WWOX: variants seen among roughly 807,000 people sequenced by gnomAD.
WWOX encodes the protein WW domain-containing oxidoreductase.
Under a neutral mutation model 46.2 loss-of-function variants are expected in WWOX, and 69 were observed. The observed-to-expected ratio is 1.49, with a 90% CI of 1.23 to 1.82. The LOEUF (loss-of-function observed/expected upper bound fraction) is 1.82, where lower values mean the gene tolerates loss of function less well. WWOX is among the 40% of genes most tolerant of loss of function. WWOX has a pLI of 0.00. For missense variants in WWOX, 919 were observed against 542.6 expected, an observed-to-expected ratio of 1.69 and a Z score of -6.89; for synonymous variants, 359 against 202.6, an observed-to-expected ratio of 1.77 and a Z score of -6.56.
chr16:78,721,513 G>A (rs192199488), intron 8 of WWOX, among the ~76,000 whole-genome samples: 59 of 152,284 alleles, frequency 3.9e-4, no homozygotes, highest in Non-Finnish European at 7.1e-4. Flanking sequence ...GCGGGGTTGT[G>A]GGCTGGGGGA....
At chr16:78,375,935 C>G (rs905962849) in intron 5 of WWOX, among the ~76,000 whole-genome samples, 3 of 151,444 alleles carry the variant, frequency 2.0e-5, no homozygotes, top group Non-Finnish European at 4.4e-5. Context: ...CACTGCAACT[C>G]CGCATCCTGG....
rs757195574 is a variant in WWOX at position 78,263,996 on chromosome 16, C to CTTT, written c.516+99724_516+99726dup. On this transcript the variant is annotated intron_variant, in intron 5 of 8. Coordinates refer to ENST00000566780, the MANE Select transcript of WWOX (RefSeq NM_016373.4). ...AGAAATATGTGTTTGGCTGTGAAAT[C>CTTT]TTTTTTTTTTTTTTTTTTTGTTTTT... Among the ~76,000 whole-genome samples the CTTT allele has an allele frequency of 6.8e-3, 538 of 78,768 alleles. 91 individuals are homozygous for CTTT. The highest frequency in any genetic ancestry group is 0.021 in the African/African-American group (348 of 16,468). The allele number at this position is 78,768 out of a possible 152,430, so 51.7% of individuals were successfully genotyped here.
intron 8 of WWOX, among the ~76,000 whole-genome samples, chr16:78,690,854 C>G (rs2047970191): frequency 6.6e-6 from 1 of 152,178 alleles, no homozygotes; most frequent in African/African-American, 2.4e-5. Flanking sequence ...CCCAGGATGG[C>G]TTGATGTTGT....
chr16:78,589,790 T>G (rs1328117312), intron 8 of WWOX, among the ~76,000 whole-genome samples: 2 of 152,170 alleles, frequency 1.3e-5, no homozygotes, highest in Admixed American at 1.3e-4. Context: ...CTCTGCTGGC[T>G]TTTTCCCCCT....
intron 8 of WWOX, among the ~76,000 whole-genome samples, chr16:78,674,944 T>A (rs892613587): frequency 6.6e-6 from 1 of 152,146 alleles, no homozygotes; most frequent in Non-Finnish European, 1.5e-5. Context: ...GTTCAAGTTG[T>A]CTACCCTTAT....
At chr16:78,811,899 G>A (rs1008997152) in intron 8 of WWOX, among the ~76,000 whole-genome samples, 11 of 152,112 alleles carry the variant, frequency 7.2e-5, no homozygotes, top group African/African-American at 1.7e-4. Flanking sequence ...TGAGTCATGA[G>A]CATAATAAGA....
chr16:78,165,365 G>A (rs894359511), intron 5 of WWOX, among the ~76,000 whole-genome samples: 1 of 152,182 alleles, frequency 6.6e-6, no homozygotes, highest in Non-Finnish European at 1.5e-5. Flanking sequence ...TCAGCCTATT[G>A]TGGAAGACAA....
At chr16:79,040,089 A>T (rs756636541) in intron 8 of WWOX, among the ~76,000 whole-genome samples, 10 of 152,086 alleles carry the variant, frequency 6.6e-5, no homozygotes, top group Non-Finnish European at 8.8e-5. Context: ...TATAATAATC[A>T]TTCCTACCCC....
Position 79,186,534 on chromosome 16 carries a change from C to T in WWOX, c.1057-25074C>T, listed in dbSNP as rs572877929. 1.3e-4 allele frequency among the ~76,000 whole-genome samples: 20 copies of T among 152,340 alleles called. No individual in the cohort carries two copies. In the East Asian group the frequency reaches 2.9e-3, roughly 22 times the overall value. ...ATTGGATTAAGGGCCTACCCTATTCCAGTCTGACTGCATCTTAACTGTTTA... is the reference window on the plus strand; with the variant it reads ...ATTGGATTAAGGGCCTACCCTATTCTAGTCTGACTGCATCTTAACTGTTTA... On this transcript the variant is annotated intron_variant, in intron 8 of 8. Transcript: ENST00000566780.
intron 8 of WWOX, among the ~76,000 whole-genome samples, chr16:78,647,515 G>T (rs1271646751): frequency 6.6e-6 from 1 of 152,174 alleles, no homozygotes; most frequent in Non-Finnish European, 1.5e-5. Context: ...AGAAGGGAAT[G>T]GATGTCTGAG....
chr16:79,133,747 T>C (rs2049928214), intron 8 of WWOX, among the ~76,000 whole-genome samples: 1 of 152,168 alleles, frequency 6.6e-6, no homozygotes, highest in African/African-American at 2.4e-5. Context: ...GTTTTCCTAA[T>C]GGTGGCTGGT....
At chr16:78,565,934 T>C (rs536616908) in intron 8 of WWOX, among the ~76,000 whole-genome samples, 2 of 124,876 alleles carry the variant, frequency 1.6e-5, no homozygotes, top group East Asian at 2.7e-4. Flanking sequence ...TGGGCAGATA[T>C]TCATACAATG....
intron 8 of WWOX, among the ~76,000 whole-genome samples, chr16:78,846,227 C>G (rs2052295170): frequency 1.3e-5 from 2 of 152,176 alleles, no homozygotes; most frequent in Non-Finnish European, 1.5e-5. Flanking sequence ...TCAGCTTCCC[C>G]TAATACTAAC....
intron 5 of WWOX, among the ~76,000 whole-genome samples, chr16:78,373,293 T>C (rs1010311711): frequency 5.3e-5 from 8 of 152,234 alleles, no homozygotes; most frequent in African/African-American, 1.7e-4. Context: ...GTGTCTCTGA[T>C]TGACAGTTGG....
intron 8 of WWOX, among the ~76,000 whole-genome samples, chr16:79,112,943 T>G (rs528140653): frequency 6.6e-6 from 1 of 152,228 alleles, no homozygotes; most frequent in African/African-American, 2.4e-5. Context: ...TTTTGCTCTC[T>G]GCTGGCATAG....
intron 8 of WWOX, among the ~76,000 whole-genome samples, chr16:78,846,473 G>C (rs1482681886): frequency 1.3e-5 from 2 of 152,040 alleles, no homozygotes; most frequent in Non-Finnish European, 2.9e-5. Flanking sequence ...GTTCCGGTCA[G>C]TTATTTTGTA....
intron 8 of WWOX, among the ~76,000 whole-genome samples, chr16:78,466,022 G>GC (rs2084068904): frequency 7.3e-6 from 1 of 137,120 alleles, no homozygotes; most frequent in African/African-American, 3.2e-5. Flanking sequence ...AGTTTCTTTA[G>GC]TTTTTTTTGG....
chr16:78,611,808 G>A (rs2045907090), intron 8 of WWOX, among the ~76,000 whole-genome samples: 1 of 152,178 alleles, frequency 6.6e-6, no homozygotes, highest in Non-Finnish European at 1.5e-5. Flanking sequence ...TGTTGTCAAG[G>A]AAAGGAAAAA....
intron 5 of WWOX, among the ~76,000 whole-genome samples, chr16:78,205,414 A>G (rs2036358969): frequency 6.6e-6 from 1 of 151,986 alleles, no homozygotes; most frequent in African/African-American, 2.4e-5. Flanking sequence ...CCTTGCATCC[A>G]TCTATCCATC....
Sources: allele counts gnomAD v4.1 joint callset (sites outside exome capture counted in the v4.1 genomes callset), GRCh38; gene constraint gnomAD v4.1.1; transcripts MANE v1.5; gene names NCBI Gene and HGNC (gene_info 2026-07-23, HGNC 2026-07-21).